ROBO1: variants seen among roughly 807,000 people sequenced by gnomAD.
ROBO1 encodes the protein roundabout guidance receptor 1.
Under a neutral mutation model 195.9 loss-of-function variants are expected in ROBO1, and 149 were observed. That is an observed-to-expected ratio of 0.76 (90% confidence interval 0.67 to 0.87). The LOEUF (loss-of-function observed/expected upper bound fraction) is 0.87. Ranked by LOEUF, ROBO1 falls within the 40% of genes least tolerant of loss-of-function variation. The probability of loss-of-function intolerance (pLI) is 0.00; values close to 1 mark genes in which losing one functional copy is unlikely to be tolerated. For synonymous variants in ROBO1, 816 were observed against 733.2 expected (o/e 1.11, Z -1.82); for missense variants, 1,933 against 2,068.3 (o/e 0.93, Z 1.27).
At chr3:78,738,047 T>C (rs1161816778) in intron 5 of ROBO1, among the ~76,000 whole-genome samples, 1 of 151,860 alleles carries the variant, frequency 6.6e-6, no homozygotes, top group African/African-American at 2.4e-5. Flanking sequence ...GCAAAAGACA[T>C]TGAACAATGA....
chr3:79,654,886 G>C (rs990214936), intron 1 of ROBO1, among the ~76,000 whole-genome samples: 19 of 151,868 alleles, frequency 1.3e-4, no homozygotes, highest in African/African-American at 4.1e-4. Context: ...TAATTTTGTA[G>C]CCTTTGCTAC....
intron 2 of ROBO1, among the ~76,000 whole-genome samples, chr3:79,249,216 T>C (rs2082677256): frequency 6.6e-6 from 1 of 152,166 alleles, no homozygotes; most frequent in Non-Finnish European, 1.5e-5. Context: ...TTGCAGCTGC[T>C]GGGTGGGCAT....
intron 4 of ROBO1, among the ~76,000 whole-genome samples, chr3:78,922,173 T>C (rs1011588601): frequency 6.6e-6 from 1 of 152,008 alleles, no homozygotes; most frequent in African/African-American, 2.4e-5. Flanking sequence ...GAGAAGATAA[T>C]ACAAATCAAA....
At chr3:79,257,991 A>G (rs2082869988) in intron 2 of ROBO1, among the ~76,000 whole-genome samples, 1 of 152,076 alleles carries the variant, frequency 6.6e-6, no homozygotes, top group Non-Finnish European at 1.5e-5. Flanking sequence ...CCAGTCTGAT[A>G]CTAGATGGTT....
chr3:79,505,794 G>C (rs1233789598), intron 2 of ROBO1, among the ~76,000 whole-genome samples: 1 of 152,184 alleles, frequency 6.6e-6, no homozygotes, highest in Non-Finnish European at 1.5e-5. Context: ...ACAGTGGTAG[G>C]TTTACAGAGC....
Position 79,075,989 on chromosome 3 carries a change from C to A in ROBO1, c.172+49467G>T, listed in dbSNP as rs374984887. On this transcript the variant is annotated intron_variant, in intron 3 of 30. Coordinates refer to ENST00000464233, the MANE Select transcript of ROBO1 (RefSeq NM_002941.4). ...AGACTAAGAACTCTAACTTTGAAAT[C>A]AGATGGCCACAAGCCAGAGCTGCCA... Among the ~76,000 whole-genome samples, 9 of 151,500 alleles carry A rather than the reference C, an allele frequency of 5.9e-5. No individual in the cohort carries two copies. The East Asian group carries it at 1.4e-3, about 23-fold the overall frequency.
chr3:78,636,033 T>TA lies in ROBO1; in HGVS notation c.3112dup (p.Tyr1038LeufsTer3). 1 of 1,613,878 alleles carries TA rather than the reference T, an allele frequency of 6.2e-7. No homozygotes were observed. The highest frequency in any genetic ancestry group is 8.5e-7 in the Non-Finnish European group (1 of 1,179,806). On this transcript the variant is annotated frameshift_variant, in exon 23 of 31. Transcript: ENST00000464233. LOFTEE classifies it high-confidence loss of function. ...TTTGTTACTAAGGTCCACATCACCA[T>TA]AAACAGTTGACTCAGGGAGCATCAG...
At chr3:78,672,594 C>CAAA (rs368446414) in intron 10 of ROBO1, among the ~76,000 whole-genome samples, 137 of 73,764 alleles carry the variant, frequency 1.9e-3, no homozygotes, top group South Asian at 3.3e-3. Flanking sequence ...GACCCTGTCT[C>CAAA]AAAAAAAAAA....
chr3:79,019,477 A>G (rs1018358841), intron 3 of ROBO1: 5 of 986,028 alleles, frequency 5.1e-6, no homozygotes, highest in Middle Eastern at 5.2e-4. Flanking sequence ...GGTTTCCCCC[A>G]CAGTCCCCGC....
At chr3:79,249,616 C>T (rs2082683565) in intron 2 of ROBO1, among the ~76,000 whole-genome samples, 1 of 152,132 alleles carries the variant, frequency 6.6e-6, no homozygotes, top group Non-Finnish European at 1.5e-5. Flanking sequence ...ATGGCATAAG[C>T]AAATGTATCT....
At chr3:79,184,234 A>T (rs2081396274) in intron 2 of ROBO1, among the ~76,000 whole-genome samples, 1 of 152,162 alleles carries the variant, frequency 6.6e-6, no homozygotes, top group African/African-American at 2.4e-5. Context: ...TATTCTACTG[A>T]TCGTTAATGC....
chr3:79,347,403 G>A (rs1410506344), intron 2 of ROBO1, among the ~76,000 whole-genome samples: 2 of 152,134 alleles, frequency 1.3e-5, no homozygotes, highest in African/African-American at 4.8e-5. Flanking sequence ...TATTTCTGAT[G>A]ACAGTCAAGG....
chr3:79,640,652 T>G (rs554577013), intron 1 of ROBO1, among the ~76,000 whole-genome samples: 1 of 152,320 alleles, frequency 6.6e-6, no homozygotes, highest in South Asian at 2.1e-4. Flanking sequence ...TAGTGTTCTA[T>G]CTTTACTTAG....
At chr3:78,731,827 T>TTACCAA (rs2082292950) in intron 5 of ROBO1, among the ~76,000 whole-genome samples, 1 of 152,138 alleles carries the variant, frequency 6.6e-6, no homozygotes, top group Admixed American at 6.5e-5. Flanking sequence ...ATGTCCTGTG[T>TTACCAA]GTAAACCGCT....
chr3:79,265,625 G>A (rs2083025826), intron 2 of ROBO1, among the ~76,000 whole-genome samples: 1 of 151,374 alleles, frequency 6.6e-6, no homozygotes, highest in African/African-American at 2.4e-5. Flanking sequence ...AGCTTTCAGA[G>A]TTAGTCACTA....
In ROBO1 at chr3:78,661,232, T is replaced by A. The variant is rs755815282; in HGVS notation, c.2118A>T (p.Gly706=). 1.9e-6 allele frequency: 3 copies of A among 1,609,898 alleles called. 1 individual carries two copies. The highest frequency in any genetic ancestry group is 2.2e-5 in the South Asian group (2 of 90,524). ...TVDQQSQYIQ[G]YKILYRPSGA... The stretch of plus-strand genomic sequence containing the variant: ...CAGATGGCCGATAGAGAATTTTATA[T>A]CCTTGTATATACTGAGACTGTTGAT... The change falls in exon 16 of 31, where the codon GGA becomes GGT. Residue 706 remains glycine, a synonymous_variant. Coordinates refer to ENST00000464233, the MANE Select transcript of ROBO1 (RefSeq NM_002941.4).
intron 1 of ROBO1, among the ~76,000 whole-genome samples, chr3:79,661,595 G>T (rs192911168): frequency 6.6e-6 from 1 of 150,568 alleles, no homozygotes; most frequent in African/African-American, 2.4e-5. Context: ...TTTCAACCAA[G>T]TCGTCTTTCT....
intron 5 of ROBO1, among the ~76,000 whole-genome samples, chr3:78,723,121 A>G (rs1428933406): frequency 1.3e-5 from 2 of 152,200 alleles, no homozygotes; most frequent in African/African-American, 4.8e-5. Flanking sequence ...ATCCCATAAG[A>G]TGATAATGGA....
chr3:79,259,978 T>TCC (rs1195852425), intron 2 of ROBO1, among the ~76,000 whole-genome samples: 3 of 151,988 alleles, frequency 2.0e-5, no homozygotes, highest in African/African-American at 7.2e-5. Flanking sequence ...TAGCTTTCCC[T>TCC]CCCTTCACCA....
Sources: gnomAD v4.1 joint callset for allele counts (sites outside exome capture counted in the v4.1 genomes callset) on GRCh38, gnomAD v4.1.1 for gene constraint, MANE v1.5 for transcripts, NCBI Gene and HGNC (gene_info 2026-07-23, HGNC 2026-07-21) for gene names.